The following TYR variants were observed in gnomAD, a reference collection of about 807,000 sequenced individuals.
TYR encodes the protein tyrosinase, also known as LB24-AB.
A neutral mutation model predicts 51.5 loss-of-function variants in TYR; 58 were observed. The observed-to-expected ratio is 1.13, with a 90% CI of 0.91 to 1.40. The LOEUF is 1.40. Ranked by LOEUF, TYR falls within the 40% of genes most tolerant of loss-of-function variation. The probability of loss-of-function intolerance (pLI) is 0.00; values close to 1 mark genes in which losing one functional copy is unlikely to be tolerated. For missense variants in TYR, 732 were observed against 647.4 expected (o/e 1.13, Z -1.42); for synonymous variants, 263 against 235.2 (o/e 1.12, Z -1.08).
intron 3 of TYR, among the ~76,000 whole-genome samples, chr11:89,243,951 T>C (rs1393766587): frequency 1.3e-5 from 2 of 152,110 alleles, no homozygotes; most frequent in Non-Finnish European, 2.9e-5. Context: ...CAAACGCAAA[T>C]ATATCTATTA....
At position 89,285,570 on chromosome 11, in the gene TYR, G is replaced by A. The variant is rs1342521671; in HGVS notation, c.1366+616G>A. ...GATTTGAGCTCTAAATAATCTTCCT[G>A]CATAGAACCATGTCAGTATCTTCTT... On this transcript the variant is annotated intron_variant, in intron 4 of 4. Transcript: ENST00000263321. Among the ~76,000 whole-genome samples, 3 of 151,786 alleles carry A rather than the reference G, an allele frequency of 2.0e-5. No individual in the cohort carries two copies. In the East Asian group the frequency reaches 5.8e-4, roughly 29 times the overall value.
At chr11:89,215,675 G>A (rs1943823431) in intron 2 of TYR, among the ~76,000 whole-genome samples, 1 of 152,018 alleles carries the variant, frequency 6.6e-6, no homozygotes, top group South Asian at 2.1e-4. Context: ...TGATTGTGTT[G>A]CACAGATATA....
rs74807949 is a variant in TYR, at chr11:89,188,999, A to G, written c.820-2203A>G. 3.6e-3 allele frequency among the ~76,000 whole-genome samples: 548 copies of G among 152,242 alleles called. 6 individuals carry two copies. Among genetic ancestry groups the G allele is most frequent in the African/African-American group, 0.013 (521 of 41,570 alleles). Reference sequence around the variant, plus strand: ...ATTTGATCAAGGTTTAGGGAAACCAACAAAGAACAACATCCTGTTGTCAGC... The same window carrying G: ...ATTTGATCAAGGTTTAGGGAAACCAGCAAAGAACAACATCCTGTTGTCAGC... On this transcript the variant is annotated intron_variant, in intron 1 of 4. Transcript: ENST00000263321.
intron 2 of TYR, among the ~76,000 whole-genome samples, chr11:89,211,722 A>G (rs986313948): frequency 2.0e-5 from 3 of 152,224 alleles, no homozygotes; most frequent in Admixed American, 6.5e-5. Flanking sequence ...AGCAAATGTA[A>G]AAGAACAGAA....
Position 89,231,846 on chromosome 11 carries a change from A to G in TYR, c.1184+3876A>G, listed in dbSNP as rs1174518372. ...TAAAAATACAAAAATTTCGCCAGGC[A>G]TGGTGGTGTGCGCTTGTGATCACAG... On this transcript the variant is annotated intron_variant, in intron 3 of 4. Coordinates refer to ENST00000263321, the MANE Select transcript of TYR (RefSeq NM_000372.5). 5.7e-5 allele frequency among the ~76,000 whole-genome samples: 8 copies of G among 140,710 alleles called. 1 individual carries two copies. Among genetic ancestry groups the G allele is most frequent in the African/African-American group, 2.0e-4 (7 of 34,986 alleles). The allele number at this position is 140,710 out of a possible 152,430, so 92.3% of individuals were successfully genotyped here.
intron 2 of TYR, among the ~76,000 whole-genome samples, chr11:89,191,768 C>T (rs896764891): frequency 6.6e-6 from 1 of 152,040 alleles, no homozygotes; most frequent in Non-Finnish European, 1.5e-5. Flanking sequence ...AGGAAAGAAG[C>T]AGCAGCAGAA....
chr11:89,200,930 T>G (rs1591149745), intron 2 of TYR, among the ~76,000 whole-genome samples: 1 of 152,290 alleles, frequency 6.6e-6, no homozygotes, highest in Non-Finnish European at 1.5e-5. Context: ...TCAATGAACT[T>G]TTTGTCCTTG....
rs146020203 is a variant in TYR, at chr11:89,295,253, G to T, written c.1477G>T (p.Ala493Ser). 9 of 1,613,838 alleles carry T rather than the reference G, an allele frequency of 5.6e-6. No individual in the cohort carries two copies. The highest frequency in any genetic ancestry group is 1.7e-5 in the Admixed American group (1 of 59,998). ...MVGAVLTALL[A>S]GLVSLLCRHK... is the part of the protein sequence containing the mutation. ...AGGGGCCGTCCTCACTGCCCTGCTG[G>T]CAGGGCTTGTGAGCTTGCTGTGTCG... The change falls in exon 5 of 5, where the codon GCA becomes TCA. Residue 493 changes from alanine to serine, a missense_variant. By Grantham distance (99) the Ala-to-Ser change is moderately conservative. Transcript: ENST00000263321.
chr11:89,189,304 TA>T (rs997544540), intron 1 of TYR, among the ~76,000 whole-genome samples: 13 of 152,176 alleles, frequency 8.5e-5, no homozygotes, highest in Middle Eastern at 6.8e-3. Flanking sequence ...CGTGTTTTCT[TA>T]AAAAGTTTTG....
intron 1 of TYR, among the ~76,000 whole-genome samples, chr11:89,183,853 A>G (rs1242813565): frequency 2.6e-5 from 4 of 152,150 alleles, no homozygotes; most frequent in Admixed American, 2.6e-4. Context: ...TTCAAAAATA[A>G]TTATGATAGT....
chr11:89,259,173 C>A (rs1944428894), intron 3 of TYR, among the ~76,000 whole-genome samples: 1 of 151,970 alleles, frequency 6.6e-6, no homozygotes, highest in South Asian at 2.1e-4. Context: ...ATTTACGTAA[C>A]CACAGATGCG....
chr11:89,248,052 A>G (rs1590877065), intron 3 of TYR, among the ~76,000 whole-genome samples: 1 of 152,184 alleles, frequency 6.6e-6, no homozygotes, highest in Non-Finnish European at 1.5e-5. Context: ...TGCTACATCT[A>G]GCTACATAAT....
intron 3 of TYR, among the ~76,000 whole-genome samples, chr11:89,263,191 G>A (rs897641335): frequency 1.5e-4 from 23 of 151,674 alleles, no homozygotes; most frequent in African/African-American, 5.6e-4. Flanking sequence ...ATACAAAGGT[G>A]GCTCAACATA....
At chr11:89,269,342 T>C (rs1944562553) in intron 3 of TYR, among the ~76,000 whole-genome samples, 2 of 152,054 alleles carry the variant, frequency 1.3e-5, no homozygotes, top group South Asian at 2.1e-4. Context: ...TTGACTACTG[T>C]GGCCAGTGTG....
At chr11:89,209,777 C>T (rs1943727285) in intron 2 of TYR, among the ~76,000 whole-genome samples, 1 of 152,082 alleles carries the variant, frequency 6.6e-6, no homozygotes, top group Non-Finnish European at 1.5e-5. Context: ...GATCGGGCAG[C>T]AATATTTGCT....
At chr11:89,189,074 C>A (rs995708672) in intron 1 of TYR, among the ~76,000 whole-genome samples, 1 of 151,916 alleles carries the variant, frequency 6.6e-6, no homozygotes, top group Non-Finnish European at 1.5e-5. Flanking sequence ...TAACCTAGAA[C>A]CTACTTTTAA....
intron 4 of TYR, among the ~76,000 whole-genome samples, chr11:89,290,998 A>G (rs1017213838): frequency 6.6e-6 from 1 of 152,030 alleles, no homozygotes; most frequent in African/African-American, 2.4e-5. Context: ...TCTCCTAAAT[A>G]GATTCTATAG....
chr11:89,201,251 T>C (rs1943595191), intron 2 of TYR, among the ~76,000 whole-genome samples: 1 of 152,178 alleles, frequency 6.6e-6, no homozygotes, highest in Non-Finnish European at 1.5e-5. Context: ...TTAGCTTTTT[T>C]TTTCTGTTTA....
intron 3 of TYR, among the ~76,000 whole-genome samples, chr11:89,252,532 A>G (rs190063491): frequency 9.1e-4 from 138 of 151,976 alleles, no homozygotes; most frequent in Non-Finnish European, 1.6e-3. Flanking sequence ...AAAATCCACT[A>G]CAAGTCAAAG....
Sources: gnomAD v4.1 joint callset for allele counts (sites outside exome capture counted in the v4.1 genomes callset) on GRCh38, gnomAD v4.1.1 for gene constraint, MANE v1.5 for transcripts, NCBI Gene and HGNC (gene_info 2026-07-23, HGNC 2026-07-21) for gene names.